Variants in PLXNC1 observed in about 807,000 individuals in gnomAD.
The protein encoded by PLXNC1 is plexin C1.
PLXNC1 carries 75 observed loss-of-function variants against 178.2 expected under a neutral mutation model. The observed-to-expected ratio is 0.42, with a 90% CI of 0.35 to 0.51. The LOEUF (loss-of-function observed/expected upper bound fraction) is 0.51. Ranked by LOEUF, PLXNC1 falls within the 20% of genes least tolerant of loss-of-function variation. The pLI is 0.02. For synonymous variants in PLXNC1, 790 were observed against 779.9 expected (o/e 1.01, Z -0.22); for missense variants, 1,503 against 1,984.4 (o/e 0.76, Z 4.61).
intron 15 of PLXNC1, among the ~76,000 whole-genome samples, chr12:94,252,763 G>A (rs945194780): frequency 5.3e-5 from 8 of 152,090 alleles, no homozygotes; most frequent in South Asian, 2.1e-4. Flanking sequence ...GACCACAGTC[G>A]CCACCACTCC....
chr12:94,256,066 C>G (rs1964829376), intron 17 of PLXNC1: 1 of 152,226 alleles, frequency 6.6e-6, no homozygotes, highest in Admixed American at 6.5e-5. Flanking sequence ...TCCTGATACC[C>G]CAGCTCTGCC....
chr12:94,268,582 T>C (rs986512347), intron 21 of PLXNC1, among the ~76,000 whole-genome samples: 1 of 135,368 alleles, frequency 7.4e-6, no homozygotes, highest in African/African-American at 2.7e-5. Context: ...TGGAAGAGAA[T>C]AAGACCTTTT....
intron 12 of PLXNC1, among the ~76,000 whole-genome samples, chr12:94,246,060 C>T (rs1458917693): frequency 1.3e-5 from 2 of 152,146 alleles, no homozygotes; most frequent in African/African-American, 2.4e-5. Flanking sequence ...CAAAAGGCTT[C>T]GGTGTCCTGT....
chr12:94,257,908 C>CAA (rs562649991), intron 17 of PLXNC1, among the ~76,000 whole-genome samples: 14,123 of 141,978 alleles, frequency 0.099, 822 homozygotes, highest in Non-Finnish European at 0.12. Flanking sequence ...GACTCTGTCT[C>CAA]AAAAAAAATA....
intron 21 of PLXNC1, among the ~76,000 whole-genome samples, chr12:94,274,456 A>T (rs1208549328): frequency 1.3e-5 from 2 of 152,186 alleles, no homozygotes; most frequent in Non-Finnish European, 2.9e-5. Flanking sequence ...GGCTGGACCC[A>T]CTGCTGTGCA....
At chr12:94,152,994 C>T (rs1334009414) in intron 1 of PLXNC1, among the ~76,000 whole-genome samples, 1 of 152,244 alleles carries the variant, frequency 6.6e-6, no homozygotes, top group African/African-American at 2.4e-5. Flanking sequence ...CTGCAGCTCT[C>T]AAATGTGCTA....
At chr12:94,235,774 A>G (rs544739042) in intron 9 of PLXNC1, among the ~76,000 whole-genome samples, 29 of 152,290 alleles carry the variant, frequency 1.9e-4, no homozygotes, top group Admixed American at 4.6e-4. Context: ...GTGTTTTTAT[A>G]TGTCATGAAA....
At chr12:94,159,012 T>A (rs1238047061) in intron 1 of PLXNC1, among the ~76,000 whole-genome samples, 2 of 152,170 alleles carry the variant, frequency 1.3e-5, no homozygotes, top group African/African-American at 4.8e-5. Flanking sequence ...CTAGAAAGAT[T>A]ACTCAGAAGA....
chr12:94,280,423 G>A (rs1249908877), intron 22 of PLXNC1, among the ~76,000 whole-genome samples: 1 of 152,202 alleles, frequency 6.6e-6, no homozygotes, highest in Non-Finnish European at 1.5e-5. Context: ...CCTTGACTAA[G>A]CAGGCAATTA....
Position 94,243,816 on chromosome 12 carries a change from A to C in PLXNC1, c.2301-122A>C, listed in dbSNP as rs1814620699. 11 of 467,514 alleles carry C rather than the reference A, an allele frequency of 2.4e-5. No homozygotes were observed. The South Asian group carries it at 5.4e-4, about 23-fold the overall frequency. The allele number at this position is 467,514 out of a possible 1,614,324, so 29.0% of individuals were successfully genotyped here. A position where few individuals can be genotyped will look rare whatever the true frequency, so the allele number is the denominator to read the frequency against. On this transcript the variant is annotated intron_variant, in intron 11 of 30. Transcript: ENST00000258526. ...CTGTATTTGAAATTAAAATTCATTA[A>C]TTTGCTCTCAAACATAATTGGGTTT... is the stretch of plus-strand genomic sequence containing the variant.
At chr12:94,265,621 G>GT (rs1216700567) in intron 21 of PLXNC1, among the ~76,000 whole-genome samples, 4 of 152,162 alleles carry the variant, frequency 2.6e-5, no homozygotes, top group African/African-American at 9.7e-5. Flanking sequence ...AATTGAGGCC[G>GT]TCTTATTTTA....
intron 2 of PLXNC1, among the ~76,000 whole-genome samples, chr12:94,177,211 A>ATG (rs796327310): frequency 1.2e-4 from 6 of 50,018 alleles, no homozygotes; most frequent in African/African-American, 1.9e-4. Context: ...GTATATATAT[A>ATG]TGTGTGTGTA....
chr12:94,227,864 C>T (rs1472264398), intron 9 of PLXNC1, among the ~76,000 whole-genome samples: 3 of 152,208 alleles, frequency 2.0e-5, no homozygotes, highest in African/African-American at 7.2e-5. Context: ...CTGGGCGGAA[C>T]ACATGTGGCT....
intron 3 of PLXNC1, among the ~76,000 whole-genome samples, chr12:94,182,886 T>TCTAC (rs1477192414): frequency 6.6e-6 from 1 of 150,674 alleles, no homozygotes; most frequent in African/African-American, 2.5e-5. Context: ...TATCTATCTA[T>TCTAC]CTATCTATCT....
Position 94,255,006 on chromosome 12 carries a change from C to T in PLXNC1, c.2983+118C>T, listed in dbSNP as rs574404921. 2.4e-5 allele frequency: 23 copies of T among 971,124 alleles called. 1 individual carries two copies. Among genetic ancestry groups the T allele is most frequent in the African/African-American group, 1.1e-4 (7 of 61,044 alleles). 60.2% of individuals were successfully genotyped at this position (971,124 alleles called of 1,614,324 possible). A position where few individuals can be genotyped will look rare whatever the true frequency, so the allele number is the denominator to read the frequency against. Reference sequence around the variant, plus strand: ...GAACTGTTTGTATAATAGAAGGCAACGGAAGGGCAGGGCCTGGGCCTGGCT... The same window carrying T: ...GAACTGTTTGTATAATAGAAGGCAATGGAAGGGCAGGGCCTGGGCCTGGCT... On this transcript the variant is annotated intron_variant, in intron 16 of 30. Transcript: ENST00000258526.
At position 94,150,029 on chromosome 12, in the gene PLXNC1, A is replaced by G; in HGVS notation, c.1058A>G (p.His353Arg). ...VSWDFKTAES[H>R]CKEGDQPERV... ...TGGGACTTCAAGACGGCCGAGAGCCACTGCGTAAGTCCTGCCCCCGGGGCG... is the reference window on the plus strand; with the variant it reads ...TGGGACTTCAAGACGGCCGAGAGCCGCTGCGTAAGTCCTGCCCCCGGGGCG... The change falls in exon 1 of 31, where the codon CAC becomes CGC. Residue 353 changes from histidine (H) to arginine (R), a missense_variant. Transcript: ENST00000258526. 6.3e-7 allele frequency: 1 copy of G among 1,589,826 alleles called. No individual in the cohort carries two copies. The highest frequency in any genetic ancestry group is 8.5e-7 in the Non-Finnish European group (1 of 1,169,682).
intron 5 of PLXNC1, 71 bp from the exon 6 acceptor site, chr12:94,219,945 C>T (rs370503890): frequency 1.4e-6 from 2 of 1,442,256 alleles, no homozygotes; most frequent in South Asian, 2.5e-5. Context: ...AGGGTGAGAT[C>T]ATATGAGGCT....
At chr12:94,218,774 C>T (rs1963713424) in intron 5 of PLXNC1, among the ~76,000 whole-genome samples, 1 of 152,112 alleles carries the variant, frequency 6.6e-6, no homozygotes, top group South Asian at 2.1e-4. Flanking sequence ...CAAAAACACT[C>T]CCTCCACCCA....
At chr12:94,164,447 G>GCCCCAA (rs3037618) in intron 1 of PLXNC1, among the ~76,000 whole-genome samples, 11 of 151,628 alleles carry the variant, frequency 7.3e-5, no homozygotes, top group African/African-American at 2.4e-4. Context: ...TGAGCACCCT[G>GCCCCAA]CCTCGATGAG....
Sources: allele counts gnomAD v4.1 joint callset (sites outside exome capture counted in the v4.1 genomes callset), GRCh38; gene constraint gnomAD v4.1.1; transcripts MANE v1.5; gene names NCBI Gene and HGNC (gene_info 2026-07-23, HGNC 2026-07-21).